GRIA4: variants seen among roughly 807,000 people sequenced by gnomAD.
The protein encoded by GRIA4 is glutamate ionotropic receptor AMPA type subunit 4, also known as glutamate receptor 4.
In GRIA4, 34 loss-of-function variants were observed where a neutral mutation model predicts 104.0. The observed-to-expected ratio is 0.33, with a 90% CI of 0.25 to 0.44. The LOEUF is 0.44. Among genes scored for constraint, GRIA4 ranks in the 20% least tolerant of loss-of-function variants. The probability of loss-of-function intolerance (pLI) is 1.00; values close to 1 mark genes in which losing one functional copy is unlikely to be tolerated. For missense variants in GRIA4, 750 were observed against 1,096.5 expected (o/e 0.68, Z 4.46); for synonymous variants, 386 against 381.9 (o/e 1.01, Z -0.13).
At chr11:105,959,933 G>C (rs1423465048) in intron 14 of GRIA4, among the ~76,000 whole-genome samples, 2 of 152,214 alleles carry the variant, frequency 1.3e-5, no homozygotes, top group East Asian at 1.9e-4. Flanking sequence ...ATTTGCTCCT[G>C]TGCAGGAAGA....
intron 4 of GRIA4, among the ~76,000 whole-genome samples, chr11:105,756,188 A>C (rs1483225779): frequency 6.6e-6 from 1 of 152,214 alleles, no homozygotes; most frequent in Non-Finnish European, 1.5e-5. Context: ...CAAGGAATAT[A>C]GCATATTGAC....
At chr11:105,746,327 T>G (rs1462716909) in intron 3 of GRIA4, among the ~76,000 whole-genome samples, 1 of 151,490 alleles carries the variant, frequency 6.6e-6, no homozygotes, top group Non-Finnish European at 1.5e-5. Flanking sequence ...GAATATTAGA[T>G]GAAAATCTCA....
intron 3 of GRIA4, chr11:105,613,941 T>G (rs1950538621): frequency 6.6e-6 from 1 of 151,994 alleles, no homozygotes; most frequent in Non-Finnish European, 1.5e-5. Context: ...GAACAAGGTT[T>G]GTGGGTAGTC....
At chr11:105,944,043 C>T (rs1939800) in intron 14 of GRIA4, among the ~76,000 whole-genome samples, 55,560 of 151,914 alleles carry the variant, frequency 0.37, 10,303 homozygotes, top group Admixed American at 0.44. Flanking sequence ...TTATATCATG[C>T]CATATTTATA....
chr11:105,893,904 G>T (rs979239437), intron 6 of GRIA4, among the ~76,000 whole-genome samples: 2 of 152,188 alleles, frequency 1.3e-5, no homozygotes, highest in Non-Finnish European at 2.9e-5. Flanking sequence ...TTGATGGACA[G>T]TGTTTTTCCC....
chr11:105,753,175 C>T lies in GRIA4; in HGVS notation c.442C>T (p.His148Tyr), dbSNP rs1439864979. The T allele has an allele frequency of 4.3e-6, 7 of 1,613,440 alleles. No homozygotes were observed. The highest frequency in any genetic ancestry group is 5.9e-6 in the Non-Finnish European group (7 of 1,179,586). Reference sequence around the variant, plus strand: ...AGGAGCACTCTTGAGTTTGCTGGATCACTACGAATGGAACTGTTTTGTCTT... The same window carrying T: ...AGGAGCACTCTTGAGTTTGCTGGATTACTACGAATGGAACTGTTTTGTCTT... ...LRGALLSLLD[H>Y]YEWNCFVFLY... Residue 148 changes from histidine to tyrosine, a missense_variant, in exon 4 of 17, where the codon CAC becomes TAC. Around this residue, in one of 3 missense-constraint regions of GRIA4, gnomAD observed 410 missense variants for 502.7 expected, o/e 0.82. Coordinates refer to ENST00000282499, the MANE Select transcript of GRIA4 (RefSeq NM_000829.4).
chr11:105,872,117 A>C (rs1344614205), intron 5 of GRIA4, among the ~76,000 whole-genome samples: 1 of 152,094 alleles, frequency 6.6e-6, no homozygotes, highest in Non-Finnish European at 1.5e-5. Flanking sequence ...TAGCATATTG[A>C]AGTCTCTAAA....
chr11:105,626,092 T>A (rs1457293117), intron 3 of GRIA4, among the ~76,000 whole-genome samples: 1 of 152,098 alleles, frequency 6.6e-6, no homozygotes, highest in East Asian at 1.9e-4. Context: ...GTGTGGGCAG[T>A]TACATGTGGA....
intron 3 of GRIA4, among the ~76,000 whole-genome samples, chr11:105,737,498 A>AT (rs1053347956): frequency 2.0e-5 from 3 of 152,116 alleles, no homozygotes; most frequent in Admixed American, 2.0e-4. Flanking sequence ...GAAAAAAAAA[A>AT]GTATTGAAAC....
intron 3 of GRIA4, among the ~76,000 whole-genome samples, chr11:105,660,003 A>G (rs1425541220): frequency 6.6e-6 from 1 of 151,814 alleles, no homozygotes; most frequent in Non-Finnish European, 1.5e-5. Context: ...ATTAAAATTC[A>G]AAGTCAAAGA....
chr11:105,720,201 GT>G (rs1008963483), intron 3 of GRIA4, among the ~76,000 whole-genome samples: 4 of 150,474 alleles, frequency 2.7e-5, no homozygotes, highest in African/African-American at 9.8e-5. Flanking sequence ...AAAATTTCAT[GT>G]TTTTTTTCTG....
At chr11:105,825,691 G>T (rs1943745070) in intron 4 of GRIA4, among the ~76,000 whole-genome samples, 1 of 151,944 alleles carries the variant, frequency 6.6e-6, no homozygotes, top group South Asian at 2.1e-4. Context: ...GTCTCCTTTT[G>T]CCAGAGGATC....
At chr11:105,805,100 CATA>C (rs1439591687) in intron 4 of GRIA4, among the ~76,000 whole-genome samples, 1 of 151,772 alleles carries the variant, frequency 6.6e-6, no homozygotes, top group Admixed American at 6.6e-5. Context: ...AAATTATATG[CATA>C]ATATTTTAAA....
chr11:105,701,403 G>C (rs1326058998), intron 3 of GRIA4, among the ~76,000 whole-genome samples: 1 of 152,094 alleles, frequency 6.6e-6, no homozygotes. Context: ...ACATCTACTT[G>C]GAAGTTACTT....
intron 9 of GRIA4, among the ~76,000 whole-genome samples, chr11:105,909,925 G>A (rs1334784653): frequency 6.6e-6 from 1 of 152,142 alleles, no homozygotes; most frequent in Admixed American, 6.6e-5. Flanking sequence ...TGGTAAGATT[G>A]TTACCTAGTG....
intron 10 of GRIA4, among the ~76,000 whole-genome samples, chr11:105,911,337 A>T (rs1947228573): frequency 6.6e-6 from 1 of 152,058 alleles, no homozygotes; most frequent in Non-Finnish European, 1.5e-5. Flanking sequence ...CTAAAGTCAA[A>T]CATGCCCTTT....
intron 3 of GRIA4, among the ~76,000 whole-genome samples, chr11:105,641,139 C>T (rs1451809119): frequency 6.6e-6 from 1 of 151,950 alleles, no homozygotes; most frequent in South Asian, 2.1e-4. Context: ...TAAAATAGAG[C>T]TTTCATTTAT....
At chr11:105,829,274 T>C (rs1042283045) in intron 4 of GRIA4, among the ~76,000 whole-genome samples, 1 of 151,882 alleles carries the variant, frequency 6.6e-6, no homozygotes, top group Non-Finnish European at 1.5e-5. Context: ...AAACATCAAG[T>C]CCCTTCTGAG....
At chr11:105,964,089 C>CTT (rs1208441600) in intron 14 of GRIA4, among the ~76,000 whole-genome samples, 5 of 152,022 alleles carry the variant, frequency 3.3e-5, no homozygotes, top group Middle Eastern at 6.8e-3. Context: ...AAAACAATTC[C>CTT]TTTTTTCCCA....
Sources: gnomAD v4.1 joint callset for allele counts (sites outside exome capture counted in the v4.1 genomes callset) on GRCh38, gnomAD v4.1.1 for gene constraint, gnomAD v4.1.1 regional missense constraint, MANE v1.5 for transcripts, NCBI Gene and HGNC (gene_info 2026-07-23, HGNC 2026-07-21) for gene names.